Variants in BTN2A2 observed in about 807,000 individuals in gnomAD.
BTN2A2 encodes butyrophilin subfamily 2 member A2.
In BTN2A2, 29 loss-of-function variants were observed where a neutral mutation model predicts 34.7. The ratio of observed to expected loss-of-function variants is 0.84; its 90% CI spans 0.62 to 1.14. BTN2A2 has a LOEUF of 1.14. BTN2A2 is among the 50% of genes most tolerant of loss of function. The pLI, the probability that BTN2A2 is intolerant of heterozygous loss-of-function variation, is 0.00. For synonymous variants in BTN2A2, 240 were observed against 253.1 expected, an observed-to-expected ratio of 0.95 and a Z score of 0.49; for missense variants, 612 against 651.5, an observed-to-expected ratio of 0.94 and a Z score of 0.66.
At position 26,394,238 on chromosome 6, in the gene BTN2A2, C is replaced by T; in HGVS notation, c.*1271C>T. 1 of 698,782 alleles carries T rather than the reference C, an allele frequency of 1.4e-6. No individual in the cohort carries two copies. Among genetic ancestry groups the T allele is most frequent in the Non-Finnish European group, 2.6e-6 (1 of 383,476 alleles). 43.3% of individuals were successfully genotyped at this position (698,782 alleles called of 1,614,324 possible). A position where few individuals can be genotyped will look rare whatever the true frequency, so the allele number is the denominator to read the frequency against. On this transcript the variant is annotated 3_prime_UTR_variant, in exon 8 of 8. Transcript: ENST00000356709. ...GAGTTCTCTCTAGGAATCCCAAAAC[C>T]ACATTTTGAAACTAGAATAGTGGAT...
Position 26,388,129 on chromosome 6 carries a change from G to A in BTN2A2, c.559G>A (p.Gly187Ser), listed in dbSNP as rs770889479. ...CCTCACAGTGTGGAGGGACCCCTACGGTGAGGTTGTGCCCGCCCTGAAGGA... is the reference window on the plus strand; with the variant it reads ...CCTCACAGTGTGGAGGGACCCCTACAGTGAGGTTGTGCCCGCCCTGAAGGA... Reference protein sequence around the residue: ...EPLTVWRDPYGEVVPALKEVS... With the variant: ...EPLTVWRDPYSEVVPALKEVS... The change falls in exon 4 of 8, where the codon GGT (glycine) becomes AGT (serine). Residue 187 changes from glycine to serine, a missense_variant. Physicochemically the swap from Gly to Ser is moderately conservative, Grantham distance 56. Coordinates refer to ENST00000356709, the MANE Select transcript of BTN2A2 (RefSeq NM_006995.5). 27 of 1,614,022 alleles carry A rather than the reference G, an allele frequency of 1.7e-5. 1 individual carries two copies. The highest frequency in any genetic ancestry group is 3.3e-5 in the Admixed American group (2 of 60,004).
In BTN2A2 at chr6:26,383,517, T is replaced by G. The variant is rs1581585437; in HGVS notation, c.-30-275T>G. On this transcript the variant is annotated intron_variant, in intron 1 of 7. Transcript: ENST00000356709. This position sits in a 1 kb window ranked among gnomAD's most constrained non-coding sequence, Gnocchi z 4.4. ...GGAGGGGGAAGTGGAGGGACGAGGGTGTGAAAGAATCCAGGGACAACTGAA... is the reference window on the plus strand; with the variant it reads ...GGAGGGGGAAGTGGAGGGACGAGGGGGTGAAAGAATCCAGGGACAACTGAA... The G allele has an allele frequency of 2.9e-6, 1 of 339,496 alleles. No homozygotes were observed. Among genetic ancestry groups the G allele is most frequent in the Non-Finnish European group, 5.5e-6 (1 of 183,032 alleles). 21.0% of individuals were successfully genotyped at this position (339,496 alleles called of 1,614,324 possible).
rs1228452679 is a variant in BTN2A2 at position 26,384,924 on chromosome 6, TTTTG to T, written c.95-79_95-76del. On this transcript the variant is annotated intron_variant, in intron 2 of 7. Transcript: ENST00000356709. This position sits in a 1 kb window ranked among gnomAD's most constrained non-coding sequence, Gnocchi z 4.0. ...TGCTTCCTTTCATCCCTGGAGTTTTTTTTGTTTGTTTGTTTTTGTTTTTTGTTTT... is the reference window on the plus strand; with the variant it reads ...TGCTTCCTTTCATCCCTGGAGTTTTTTTTGTTTGTTTTTGTTTTTTGTTTT... 12 of 1,325,790 alleles carry T rather than the reference TTTTG, an allele frequency of 9.1e-6. No homozygotes were observed. Among genetic ancestry groups the T allele is most frequent in the Middle Eastern group, 1.9e-4 (1 of 5,306 alleles). 82.1% of individuals were successfully genotyped at this position (1,325,790 alleles called of 1,614,324 possible).
In BTN2A2 at chr6:26,385,297, T is replaced by C; in HGVS notation, c.377T>C (p.Ile126Thr). The change falls in exon 3 of 8, where the codon ATC becomes ACC. Residue 126 changes from isoleucine (I) to threonine (T), a missense_variant. Coordinates refer to ENST00000356709, the MANE Select transcript of BTN2A2 (RefSeq NM_006995.5). ...AACGTCACAGCCCAGGAGAATGGGA[T>C]CTACCGCTGTTACTTCCAAGAAGGC... ...IHNVTAQENGIYRCYFQEGRS... is the reference protein window; with the variant it reads ...IHNVTAQENGTYRCYFQEGRS... The C allele has an allele frequency of 1.9e-6, 3 of 1,614,160 alleles. No individual in the cohort carries two copies. The highest frequency in any genetic ancestry group is 1.3e-5 in the African/African-American group (1 of 75,026).
In BTN2A2 at chr6:26,385,467, C is replaced by T. The variant is rs370924433; in HGVS notation, c.442+105C>T. On this transcript the variant is annotated intron_variant, in intron 3 of 7. Coordinates refer to ENST00000356709, the MANE Select transcript of BTN2A2 (RefSeq NM_006995.5). ...TGCAGACCAACGGATTTCTATCTGG[C>T]GTCCCCTTTCCACAGAGAAAGTGGC... 1.2e-4 allele frequency: 134 copies of T among 1,135,554 alleles called. 1 individual carries two copies. In the East Asian group the frequency reaches 2.6e-3, roughly 22 times the overall value. 70.3% of individuals were successfully genotyped at this position (1,135,554 alleles called of 1,614,324 possible).
In BTN2A2 at chr6:26,390,668, T is replaced by C; in HGVS notation, c.932-19T>C. The C allele has an allele frequency of 2.5e-6, 4 of 1,614,222 alleles. No individual in the cohort carries two copies. Among genetic ancestry groups the C allele is most frequent in the Non-Finnish European group, 2.5e-6 (3 of 1,180,022 alleles). On this transcript the variant is annotated intron_variant, in intron 5 of 7. Transcript: ENST00000356709. ...TCTTCTGTTGAAGACATGATTTTGT[T>C]TCTGTATTTTGTTTTCAGAGCAACT... is the stretch of plus-strand genomic sequence containing the variant.
Position 26,392,362 on chromosome 6 carries a change from A to T in BTN2A2, c.980-13A>T. On this transcript the variant is annotated splice_polypyrimidine_tract_variant and intron_variant, in intron 7 of 7. Transcript: ENST00000356709. ...CTGAGACCCCAGGCATAAACCTGAG[A>T]CTTCCTCTGCAGCTGATGTGGTCCT... is the stretch of plus-strand genomic sequence containing the variant. 6.2e-7 allele frequency: 1 copy of T among 1,614,028 alleles called. No individual in the cohort carries two copies.
intron 4 of BTN2A2, 34 bp downstream of exon 4, chr6:26,388,328 T>C (rs1012630018): frequency 1.2e-6 from 2 of 1,606,346 alleles, no homozygotes; most frequent in African/African-American, 2.7e-5. Flanking sequence ...CTATCAAGTG[T>C]ATGCAGGATC....
At position 26,384,679 on chromosome 6, in the gene BTN2A2, A is replaced by C. The variant is rs1278537106; in HGVS notation, c.95-336A>C. ...CTAGTGGATAGATACCCTAATGGAC[A>C]GTTCAAGTTTACACTACACTCAGGC... On this transcript the variant is annotated intron_variant, in intron 2 of 7. Coordinates refer to ENST00000356709, the MANE Select transcript of BTN2A2 (RefSeq NM_006995.5). This position sits in a 1 kb window ranked among gnomAD's most constrained non-coding sequence, Gnocchi z 4.0. 6.6e-6 allele frequency among the ~76,000 whole-genome samples: 1 copy of C among 152,232 alleles called. No homozygotes were observed. The highest frequency in any genetic ancestry group is 1.5e-5 in the Non-Finnish European group (1 of 68,042).
intron 3 of BTN2A2, among the ~76,000 whole-genome samples, chr6:26,385,923 A>T (rs990175444): frequency 4.6e-5 from 7 of 152,358 alleles, no homozygotes; most frequent in African/African-American, 1.7e-4. Flanking sequence ...TTAATCCCGG[A>T]AAAGAAAGTC....
In BTN2A2 at chr6:26,390,150, A is replaced by G. The variant is rs1761479160; in HGVS notation, c.870A>G (p.Gln290=). The change falls in exon 5 of 8, where the codon CAA becomes CAG. Residue 290 remains glutamine, a synonymous_variant. Transcript: ENST00000356709. ...GCATCTGTTGCATCAAGAAACTTCA[A>G]AGGGAAAAAAAGATTCTGTCAGGGG... ...AVSICCIKKL[Q]REKKILSGEK... 1.2e-6 allele frequency: 2 copies of G among 1,614,228 alleles called. No individual in the cohort carries two copies. The highest frequency in any genetic ancestry group is 1.7e-6 in the Non-Finnish European group (2 of 1,180,034).
In BTN2A2 at chr6:26,390,713, T is replaced by C; in HGVS notation, c.952+6T>C. On this transcript the variant is annotated splice_donor_region_variant and intron_variant, in intron 6 of 7. Transcript: ENST00000356709. ...GCAACTTCAAGAAGAATTGCGTAAG[T>C]TTAGCCTTTCCTGAACTACTCCGTG... 1 of 1,614,260 alleles carries C rather than the reference T, an allele frequency of 6.2e-7. No individual in the cohort carries two copies. Among genetic ancestry groups the C allele is most frequent in the South Asian group, 1.1e-5 (1 of 91,092 alleles).
rs1389141136 is a variant in BTN2A2, at chr6:26,394,197, C to A, written c.*1230C>A. On this transcript the variant is annotated 3_prime_UTR_variant, in exon 8 of 8. Transcript: ENST00000356709. ...GAAAATATTATTAACACTGGGGACT[C>A]CTTAAGAGTACATCAGAGTTCTCTC... is the stretch of plus-strand genomic sequence containing the variant. The A allele has an allele frequency of 1.5e-6, 1 of 674,814 alleles. No individual in the cohort carries two copies. The highest frequency in any genetic ancestry group is 2.7e-6 in the Non-Finnish European group (1 of 369,914). The allele number at this position is 674,814 out of a possible 1,614,324, so 41.8% of individuals were successfully genotyped here.
Position 26,391,367 on chromosome 6 carries a change from T to A in BTN2A2, c.979+538T>A, listed in dbSNP as rs1463837175. The stretch of plus-strand genomic sequence containing the variant: ...TGCCAGGGGAAGGGGTTTGGGTGAG[T>A]GGGAGGGTGAGTGGGAGAGCACAGA... On this transcript the variant is annotated intron_variant, in intron 7 of 7. Transcript: ENST00000356709. The A allele has an allele frequency of 6.2e-5, 10 of 162,540 alleles. No individual in the cohort carries two copies. The East Asian group carries it at 8.5e-4, about 14-fold the overall frequency. The allele number at this position is 162,540 out of a possible 1,614,324, so 10.1% of individuals were successfully genotyped here. A position where few individuals can be genotyped will look rare whatever the true frequency, so the allele number is the denominator to read the frequency against.
chr6:26,384,863 T>TAGA lies in BTN2A2; in HGVS notation c.95-152_95-151insAGA. ...CCACAGCTACTGGTCCCCAGAAGGG[T>TAGA]TCTCAGCCCAAGAACCCCTGTAGCC... On this transcript the variant is annotated intron_variant, in intron 2 of 7. Transcript: ENST00000356709. This position sits in a 1 kb window ranked among gnomAD's most constrained non-coding sequence, Gnocchi z 4.0. The TAGA allele has an allele frequency of 1.2e-6, 1 of 814,066 alleles. No homozygotes were observed. Among genetic ancestry groups the TAGA allele is most frequent in the Non-Finnish European group, 1.9e-6 (1 of 534,556 alleles). The allele number at this position is 814,066 out of a possible 1,614,324, so 50.4% of individuals were successfully genotyped here. A position where few individuals can be genotyped will look rare whatever the true frequency, so the allele number is the denominator to read the frequency against.
In BTN2A2 at chr6:26,388,089, G is replaced by A. The variant is rs751253306; in HGVS notation, c.519G>A (p.Gly173=). ...TCTGGCTGGAGTGCATATCTGGAGGGTGGTACCCAGAGCCCCTCACAGTGT... is the reference window on the plus strand; with the variant it reads ...TCTGGCTGGAGTGCATATCTGGAGGATGGTACCCAGAGCCCCTCACAGTGT... The part of the protein sequence containing the change: ...GSIWLECISG[G]WYPEPLTVWR... The change falls in exon 4 of 8, where the codon GGG becomes GGA. Residue 173 remains glycine, a synonymous_variant. Transcript: ENST00000356709. 6.2e-7 allele frequency: 1 copy of A among 1,614,098 alleles called. No individual in the cohort carries two copies. The highest frequency in any genetic ancestry group is 8.5e-7 in the Non-Finnish European group (1 of 1,180,016).
chr6:26,388,027 C>A lies in BTN2A2; in HGVS notation c.457C>A (p.Pro153Thr). The change falls in exon 4 of 8, where the codon CCC becomes ACC. Residue 153 changes from proline to threonine, a missense_variant. Physicochemically the swap from Pro to Thr is conservative, Grantham distance 38 (BLOSUM62 -1). Coordinates refer to ENST00000356709, the MANE Select transcript of BTN2A2 (RefSeq NM_006995.5). ...TCCCTTTCCAGGCCTTGGGTCTAAG[C>A]CCCTCATTGAAATCAAGGCCCAAGA... ...RLVVAGLGSK[P>T]LIEIKAQEDG... 2 of 1,613,490 alleles carry A rather than the reference C, an allele frequency of 1.2e-6. No individual in the cohort carries two copies. Among genetic ancestry groups the A allele is most frequent in the Non-Finnish European group, 1.7e-6 (2 of 1,179,526 alleles).
In BTN2A2 at chr6:26,388,273, G is replaced by C. The variant is rs1209056692; in HGVS notation, c.703G>C (p.Glu235Gln). Residue 235 changes from glutamate (E) to glutamine (Q), a missense_variant, in exon 4 of 8, where the codon GAA becomes CAA. Physicochemically the swap from Glu to Gln is conservative, Grantham distance 29 (BLOSUM62 2). Coordinates refer to ENST00000356709, the MANE Select transcript of BTN2A2 (RefSeq NM_006995.5). ...CAACACCCTGCTCGGCCAGGAGAAG[G>C]AAACTGTCATTTTTATTCCAGGTTA... ...VNNTLLGQEKETVIFIPESFM... is the reference protein window; with the variant it reads ...VNNTLLGQEKQTVIFIPESFM... 1 of 1,614,140 alleles carries C rather than the reference G, an allele frequency of 6.2e-7. No individual in the cohort carries two copies. The highest frequency in any genetic ancestry group is 8.5e-7 in the Non-Finnish European group (1 of 1,180,006).
At position 26,384,024 on chromosome 6, in the gene BTN2A2, A is replaced by G; in HGVS notation, c.94+109A>G. 3 of 1,258,308 alleles carry G rather than the reference A, an allele frequency of 2.4e-6. No individual in the cohort carries two copies. Among genetic ancestry groups the G allele is most frequent in the South Asian group, 2.5e-5 (2 of 80,940 alleles). 77.9% of individuals were successfully genotyped at this position (1,258,308 alleles called of 1,614,324 possible). A position where few individuals can be genotyped will look rare whatever the true frequency, so the allele number is the denominator to read the frequency against. On this transcript the variant is annotated intron_variant, in intron 2 of 7. Transcript: ENST00000356709. The surrounding 1 kb of genome is among the most constrained non-coding windows in gnomAD (Gnocchi z 4.0). Reference sequence around the variant, plus strand: ...TGTGGGGTTGTTGACTTATCCTTTCATTCTGAACATGTTCACTGAATTTAT... The same window carrying G: ...TGTGGGGTTGTTGACTTATCCTTTCGTTCTGAACATGTTCACTGAATTTAT...
Sources: allele counts gnomAD v4.1 joint callset (sites outside exome capture counted in the v4.1 genomes callset), GRCh38; gene constraint gnomAD v4.1.1; non-coding constraint Gnocchi (gnomAD v3.1); transcripts MANE v1.5; gene names NCBI Gene and HGNC (gene_info 2026-07-23, HGNC 2026-07-21).